The following TMEM132C variants were observed in gnomAD, a reference collection of about 807,000 sequenced individuals.
The protein encoded by TMEM132C is protein phosphatase 1, regulatory subunit 152.
TMEM132C carries 29 observed loss-of-function variants against 61.4 expected under a neutral mutation model. That is an observed-to-expected ratio of 0.47 (90% CI 0.35 to 0.64). TMEM132C has a LOEUF of 0.64. Ranked by LOEUF, TMEM132C falls within the 30% of genes least tolerant of loss-of-function variation. The pLI is 0.00. For missense variants in TMEM132C, 1,408 were observed against 1,476.9 expected (o/e 0.95, Z 0.76); for synonymous variants, 656 against 633.1 (o/e 1.04, Z -0.54).
chr12:128,583,533 CCTCA>C (rs1440728285), intron 3 of TMEM132C, among the ~76,000 whole-genome samples: 1 of 152,194 alleles, frequency 6.6e-6, no homozygotes, highest in Non-Finnish European at 1.5e-5. Context: ...GTTGATTGGA[CCTCA>C]CTGGTCCTAC....
rs975467700 is a variant in TMEM132C at position 128,707,617 on chromosome 12, G to A, written c.*1322G>A. 4 of 152,220 alleles carry A rather than the reference G, an allele frequency of 2.6e-5. No individual in the cohort carries two copies. Among genetic ancestry groups the A allele is most frequent in the Admixed American group, 2.6e-4 (4 of 15,280 alleles). 9.4% of individuals were successfully genotyped at this position (152,220 alleles called of 1,614,324 possible). ...ACGCCAGTGAAATAAGCCCCTTCGT[G>A]ATCACCTGACTCCAGTTCTCCGTGT... On this transcript the variant is annotated 3_prime_UTR_variant, in exon 9 of 9. Transcript: ENST00000435159.
At chr12:128,567,429 G>GACACACACACACACAC (rs140541188) in intron 3 of TMEM132C, among the ~76,000 whole-genome samples, 1 of 136,238 alleles carries the variant, frequency 7.3e-6, no homozygotes, top group South Asian at 2.6e-4. Flanking sequence ...CATACCCATA[G>GACACACACACACACAC]ACACACACAC....
intron 1 of TMEM132C, among the ~76,000 whole-genome samples, chr12:128,341,924 C>T (rs1029711694): frequency 6.6e-6 from 1 of 152,154 alleles, no homozygotes; most frequent in East Asian, 1.9e-4. Flanking sequence ...CCACCACCCA[C>T]CCCCTGCTTC....
Position 128,547,941 on chromosome 12 carries a change from ATGCCCCC to A in TMEM132C, c.1121+3841_1121+3847del, listed in dbSNP as rs1201018719. On this transcript the variant is annotated intron_variant, in intron 3 of 8. Coordinates refer to ENST00000435159, the MANE Select transcript of TMEM132C (RefSeq NM_001136103.3). ...TTGTAAACAAGCACAGCTTCAGAGC[ATGCCCCC>A]TGGCCCTTTGCCCACATGACCGCTC... Among the ~76,000 whole-genome samples the A allele has an allele frequency of 8.5e-5, 13 of 152,328 alleles. No individual in the cohort carries two copies. In the East Asian group the frequency reaches 2.5e-3, roughly 29 times the overall value.
intron 3 of TMEM132C, among the ~76,000 whole-genome samples, chr12:128,606,319 G>A (rs77596887): frequency 0.033 from 5,052 of 152,304 alleles, 260 homozygotes; most frequent in African/African-American, 0.11. Flanking sequence ...CCCCCGTGTG[G>A]CCAGGGGTTC....
chr12:128,689,338 T>C (rs1954701745), intron 5 of TMEM132C, among the ~76,000 whole-genome samples: 1 of 152,178 alleles, frequency 6.6e-6, no homozygotes, highest in Non-Finnish European at 1.5e-5. Context: ...ATGTACAATA[T>C]GCTATTATTA....
At chr12:128,502,839 C>T (rs555406468) in intron 2 of TMEM132C, among the ~76,000 whole-genome samples, 26 of 152,336 alleles carry the variant, frequency 1.7e-4, no homozygotes, top group Non-Finnish European at 2.9e-4. Flanking sequence ...GAGGCCTTGG[C>T]GGCACCCAGT....
intron 3 of TMEM132C, among the ~76,000 whole-genome samples, chr12:128,600,194 G>C (rs565475066): frequency 2.6e-5 from 4 of 152,228 alleles, no homozygotes; most frequent in African/African-American, 9.6e-5. Context: ...GTGTTAGCCA[G>C]GATGGTCTAG....
chr12:128,340,716 TCTTCCTTCCTTC>T (rs201786533), intron 1 of TMEM132C, among the ~76,000 whole-genome samples: 2 of 151,674 alleles, frequency 1.3e-5, no homozygotes, highest in Admixed American at 6.6e-5. Context: ...TCTTTCTCTT[TCTTCCTTCCTTC>T]CTTCCTTCCT....
chr12:128,382,663 C>T (rs1410383435), intron 1 of TMEM132C, among the ~76,000 whole-genome samples: 1 of 152,140 alleles, frequency 6.6e-6, no homozygotes, highest in Non-Finnish European at 1.5e-5. Context: ...AAGAATGTCA[C>T]CATTCTTGTT....
intron 2 of TMEM132C, among the ~76,000 whole-genome samples, chr12:128,539,970 C>T (rs1032451100): frequency 1.5e-4 from 23 of 152,080 alleles, no homozygotes; most frequent in Admixed American, 1.1e-3. Flanking sequence ...CATCCTCTTT[C>T]TTTTCTCTGT....
rs76559466 is a variant in TMEM132C at position 128,645,432 on chromosome 12, C to T, written c.1306-23985C>T. 3.0e-4 allele frequency among the ~76,000 whole-genome samples: 45 copies of T among 152,266 alleles called. No individual in the cohort carries two copies. The East Asian group carries it at 7.2e-3, about 24-fold the overall frequency. On this transcript the variant is annotated intron_variant, in intron 4 of 8. Coordinates refer to ENST00000435159, the MANE Select transcript of TMEM132C (RefSeq NM_001136103.3). ...CCCAGGCCCAGTCATGGCACCTGAC[C>T]GCCAATTCTGTGGGGCACCCGAGAT... is the stretch of plus-strand genomic sequence containing the variant.
At chr12:128,330,746 G>A (rs1403825015) in intron 1 of TMEM132C, among the ~76,000 whole-genome samples, 1 of 152,042 alleles carries the variant, frequency 6.6e-6, no homozygotes, top group Non-Finnish European at 1.5e-5. Flanking sequence ...TGAATTCCTA[G>A]TAGAAAAATT....
chr12:128,408,061 C>G (rs1005622371), intron 1 of TMEM132C, among the ~76,000 whole-genome samples: 10 of 152,062 alleles, frequency 6.6e-5, no homozygotes, highest in African/African-American at 2.2e-4. Flanking sequence ...AGTCAAATCT[C>G]TCAGGAGCTG....
chr12:128,401,423 A>G (rs935551585), intron 1 of TMEM132C, among the ~76,000 whole-genome samples: 1 of 152,154 alleles, frequency 6.6e-6, no homozygotes, highest in Admixed American at 6.5e-5. Context: ...TAACAGATAT[A>G]TCTAGAAGGC....
chr12:128,517,100 G>A (rs1325383960), intron 2 of TMEM132C, among the ~76,000 whole-genome samples: 2 of 151,636 alleles, frequency 1.3e-5, no homozygotes, highest in East Asian at 1.9e-4. Flanking sequence ...GTGTGGTGGC[G>A]TGTGCCTGTA....
intron 4 of TMEM132C, among the ~76,000 whole-genome samples, chr12:128,620,279 T>A (rs533812778): frequency 6.7e-6 from 1 of 150,342 alleles, no homozygotes; most frequent in African/African-American, 2.4e-5. Flanking sequence ...GCAGAATTCA[T>A]TCAACCTCAC....
intron 1 of TMEM132C, among the ~76,000 whole-genome samples, chr12:128,322,805 C>T (rs1872376033): frequency 6.6e-6 from 1 of 152,162 alleles, no homozygotes; most frequent in Non-Finnish European, 1.5e-5. Context: ...TTTAAGGTTT[C>T]TTGAGTTTTA....
rs531270001 is a variant in TMEM132C, at chr12:128,281,539, A to AT, written c.85+14057dup. Among the ~76,000 whole-genome samples the AT allele has an allele frequency of 1.5e-3, 233 of 152,216 alleles. 1 individual carries two copies. The highest frequency in any genetic ancestry group is 5.1e-3 in the African/African-American group (210 of 41,546). On this transcript the variant is annotated intron_variant, in intron 1 of 8. Coordinates refer to ENST00000435159, the MANE Select transcript of TMEM132C (RefSeq NM_001136103.3). Reference sequence around the variant, plus strand: ...AATGACCTAATGTCTATTTGTCTTTATTTTTCATTTGCACATTTTGGATAC... The same window carrying AT: ...AATGACCTAATGTCTATTTGTCTTTATTTTTTCATTTGCACATTTTGGATAC...
Sources: gnomAD v4.1 joint callset for allele counts (sites outside exome capture counted in the v4.1 genomes callset) on GRCh38, gnomAD v4.1.1 for gene constraint, MANE v1.5 for transcripts, NCBI Gene and HGNC (gene_info 2026-07-23, HGNC 2026-07-21) for gene names.